KIF26A: variants seen among roughly 807,000 people sequenced by gnomAD.
KIF26A encodes kinesin family member 26A.
Under a neutral mutation model 126.0 loss-of-function variants are expected in KIF26A, and 74 were observed. The observed-to-expected ratio is 0.59, with a 90% confidence interval of 0.49 to 0.71. The LOEUF is 0.71. Ranked by LOEUF, KIF26A falls within the 30% of genes least tolerant of loss-of-function variation. The pLI, the probability that KIF26A is intolerant of heterozygous loss-of-function variation, is 0.00. For synonymous variants in KIF26A, 1,445 were observed against 1,232.7 expected (o/e 1.17, Z -3.61); for missense variants, 2,984 against 2,763.3 (o/e 1.08, Z -1.79).
chr14:104,146,996 C>A (rs144308617), intron 2 of KIF26A, among the ~76,000 whole-genome samples: 4 of 152,196 alleles, frequency 2.6e-5, no homozygotes, highest in Non-Finnish European at 4.4e-5. Flanking sequence ...CGGGTTTCTG[C>A]CCAGGGATGC....
Position 104,138,775 on chromosome 14 carries a change from C to T in KIF26A, c.42+11C>T, listed in dbSNP as rs2141084849. 1 of 1,258,116 alleles carries T rather than the reference C, an allele frequency of 7.9e-7. No individual in the cohort carries two copies. The highest frequency in any genetic ancestry group is 3.2e-5 in the South Asian group (1 of 31,250). 77.9% of individuals were successfully genotyped at this position (1,258,116 alleles called of 1,614,324 possible). ...GCTGCGCAGCCCGCGGTACGCGCGG[C>T]CCGGCCTGGAGAGGGAGGCGGGCGG... On this transcript the variant is annotated intron_variant, in intron 1 of 14. Transcript: ENST00000423312.
chr14:104,151,098 C>T lies in KIF26A; in HGVS notation c.289-917C>T, dbSNP rs535825212. ...GGGTGGGCCCCAGAGAGGAGTAAGCCTCTTGGTCGATTCCCTCCCAGTGAG... is the reference window on the plus strand; with the variant it reads ...GGGTGGGCCCCAGAGAGGAGTAAGCTTCTTGGTCGATTCCCTCCCAGTGAG... On this transcript the variant is annotated intron_variant, in intron 2 of 14. Coordinates refer to ENST00000423312, the MANE Select transcript of KIF26A (RefSeq NM_015656.2). The surrounding 1 kb of genome is among the most constrained non-coding windows in gnomAD (Gnocchi z 4.9). Among the ~76,000 whole-genome samples, 1 of 152,288 alleles carries T rather than the reference C, an allele frequency of 6.6e-6. No homozygotes were observed. Among genetic ancestry groups the T allele is most frequent in the East Asian group, 1.9e-4 (1 of 5,176 alleles).
chr14:104,177,977 G>C, intron 12 of KIF26A, 79 bp downstream of exon 12: 3 of 1,371,794 alleles, frequency 2.2e-6, no homozygotes, highest in Non-Finnish European at 2.8e-6. Context: ...ACAGTTTACA[G>C]GGCCAGGAGA....
rs562296637 is a variant in KIF26A at position 104,152,856 on chromosome 14, G to A, written c.735+395G>A. On this transcript the variant is annotated intron_variant, in intron 3 of 14. Coordinates refer to ENST00000423312, the MANE Select transcript of KIF26A (RefSeq NM_015656.2). The surrounding 1 kb of genome is among the most constrained non-coding windows in gnomAD (Gnocchi z 5.9). The stretch of plus-strand genomic sequence containing the variant: ...AGAGCGAGGGCCTGTGTGGAGGCCT[G>A]GGGGTGTGAGGCGTCCATGGACGTC... 4.6e-5 allele frequency among the ~76,000 whole-genome samples: 7 copies of A among 152,268 alleles called. No homozygotes were observed. The highest frequency in any genetic ancestry group is 1.9e-4 in the East Asian group (1 of 5,176).
intron 3 of KIF26A, among the ~76,000 whole-genome samples, chr14:104,156,143 C>T (rs549270940): frequency 1.7e-4 from 26 of 152,334 alleles, no homozygotes; most frequent in Admixed American, 9.8e-4. Flanking sequence ...CAACCAGACC[C>T]GGCTCTGCTC....
chr14:104,141,231 G>A (rs924060334), intron 2 of KIF26A, among the ~76,000 whole-genome samples: 4 of 152,212 alleles, frequency 2.6e-5, no homozygotes, highest in East Asian at 1.9e-4. Context: ...TGTGCTCCCC[G>A]GAGTCTGGTG....
intron 12 of KIF26A, among the ~76,000 whole-genome samples, chr14:104,178,215 GA>G (rs1566867253): frequency 3.3e-5 from 5 of 152,204 alleles, no homozygotes; most frequent in Admixed American, 6.5e-5. Context: ...TGGGGCACTG[GA>G]CTCGGGTTTG....
chr14:104,146,134 G>C (rs2037678367), intron 2 of KIF26A, among the ~76,000 whole-genome samples: 1 of 152,182 alleles, frequency 6.6e-6, no homozygotes, highest in Admixed American at 6.5e-5. Flanking sequence ...GTCTCTCTGA[G>C]CCTCAGTCTA....
chr14:104,151,977 C>T lies in KIF26A; in HGVS notation c.289-38C>T. ...GCTCTGGGTGCCGGCCCTCCCTCCC[C>T]AGGCACTGACCCTGCCTTTGTCCCT... is the stretch of plus-strand genomic sequence containing the variant. On this transcript the variant is annotated intron_variant, in intron 2 of 14. Transcript: ENST00000423312. This position sits in a 1 kb window ranked among gnomAD's most constrained non-coding sequence, Gnocchi z 4.9. 1 of 1,591,450 alleles carries T rather than the reference C, an allele frequency of 6.3e-7. No individual in the cohort carries two copies. The highest frequency in any genetic ancestry group is 8.6e-7 in the Non-Finnish European group (1 of 1,160,746).
Position 104,157,757 on chromosome 14 carries a change from C to G in KIF26A, c.738C>G (p.Ala246=). 1 of 1,610,572 alleles carries G rather than the reference C, an allele frequency of 6.2e-7. No homozygotes were observed. Among genetic ancestry groups the G allele is most frequent in the Non-Finnish European group, 8.5e-7 (1 of 1,179,016 alleles). ...ACGCACTCTCTCCTTCCCTCCAGGC[C>G]GAGGCAGCGGTGGCGGCCGTGGCGG... The part of the protein sequence containing the change: ...VNSFLPPACL[A]EAAVAAVAVA... The change falls in exon 4 of 15, where the codon GCC becomes GCG. Residue 246 remains alanine, a splice_region_variant and synonymous_variant. Coordinates refer to ENST00000423312, the MANE Select transcript of KIF26A (RefSeq NM_015656.2).
chr14:104,178,763 C>G lies in KIF26A; in HGVS notation c.5316+8C>G. The G allele has an allele frequency of 2.0e-6, 3 of 1,466,540 alleles. No homozygotes were observed. The highest frequency in any genetic ancestry group is 2.8e-6 in the Non-Finnish European group (3 of 1,083,388). The allele number at this position is 1,466,540 out of a possible 1,614,324, so 90.8% of individuals were successfully genotyped here. On this transcript the variant is annotated splice_region_variant and intron_variant, in intron 13 of 14. Transcript: ENST00000423312. ...AGGGAGGCCCCCACCCAGGTAGGGC[C>G]TTTGGTGGGCTGGGGTCTATGACCC...
chr14:104,174,146 A>G lies in KIF26A; in HGVS notation c.2031-2A>G. 1.3e-6 allele frequency: 2 copies of G among 1,561,746 alleles called. No homozygotes were observed. Among genetic ancestry groups the G allele is most frequent in the Non-Finnish European group, 8.7e-7 (1 of 1,150,914 alleles). ...TGGCATCTGAACCGCCTCGACCCGC[A>G]GGGACCACAGGCTCACCATGCTGCT... On this transcript the variant is annotated splice_acceptor_variant, in intron 10 of 14. Transcript: ENST00000423312. LOFTEE classifies it high-confidence loss of function.
chr14:104,164,252 G>T (rs959483154), intron 4 of KIF26A, among the ~76,000 whole-genome samples: 9 of 151,574 alleles, frequency 5.9e-5, no homozygotes, highest in African/African-American at 1.9e-4. Flanking sequence ...CGAGGGCTGT[G>T]GGGGGGGCGT....
In KIF26A at chr14:104,175,569, C is replaced by T; in HGVS notation, c.2781C>T (p.Ser927=). 1.2e-6 allele frequency: 2 copies of T among 1,606,808 alleles called. No individual in the cohort carries two copies. Among genetic ancestry groups the T allele is most frequent in the Non-Finnish European group, 1.7e-6 (2 of 1,179,372 alleles). The change falls in exon 12 of 15, where the codon AGC becomes AGT. Residue 927 remains serine, a synonymous_variant. Coordinates refer to ENST00000423312, the MANE Select transcript of KIF26A (RefSeq NM_015656.2). ...AIVWGDQRED[S]SAWPELLVPE... is the part of the protein sequence containing the mutation. ...TCTGGGGTGACCAGAGAGAGGACAG[C>T]AGCGCTTGGCCTGAGCTGCTGGTCC... is the stretch of plus-strand genomic sequence containing the variant.
intron 4 of KIF26A, 129 bp from the exon 5 acceptor site, chr14:104,166,730 T>G: frequency 1.1e-6 from 1 of 901,366 alleles, no homozygotes; most frequent in Non-Finnish European, 1.6e-6. Context: ...CCAGCCACAT[T>G]TTGGACTGGG....
rs1225631238 is a variant in KIF26A, at chr14:104,177,818, C to T, written c.5030C>T (p.Pro1677Leu). The T allele has an allele frequency of 1.9e-6, 3 of 1,571,040 alleles. No individual in the cohort carries two copies. The highest frequency in any genetic ancestry group is 2.6e-6 in the Non-Finnish European group (3 of 1,166,904). The change falls in exon 12 of 15, where the codon CCT becomes CTT. Residue 1677 changes from proline (P) to leucine (L), a missense_variant. By Grantham distance (98) the Pro-to-Leu change is moderately conservative. Coordinates refer to ENST00000423312, the MANE Select transcript of KIF26A (RefSeq NM_015656.2). ...SEATGSASSA[P>L]DSMSESGAAS... ...GCCACCGGCAGCGCCTCCTCCGCCC[C>T]TGACTCCATGAGCGAGAGTGGGGCT...
intron 10 of KIF26A, 62 bp downstream of exon 10, chr14:104,173,930 T>A: frequency 6.6e-7 from 1 of 1,509,956 alleles, no homozygotes; most frequent in Non-Finnish European, 8.9e-7. Flanking sequence ...GGTAAATCCG[T>A]GTCTGGTGTG....
At chr14:104,140,356 G>A (rs893736185) in intron 2 of KIF26A, among the ~76,000 whole-genome samples, 7 of 152,320 alleles carry the variant, frequency 4.6e-5, no homozygotes, top group African/African-American at 1.4e-4. Context: ...TGGACAGGCT[G>A]CAGCCTTGGC....
At chr14:104,168,980 C>T (rs532464281) in intron 5 of KIF26A, among the ~76,000 whole-genome samples, 3 of 152,334 alleles carry the variant, frequency 2.0e-5, no homozygotes, top group South Asian at 4.1e-4. Context: ...GATCTCTGTG[C>T]GTGTGCCCGG....
Sources: gnomAD v4.1 joint callset for allele counts (sites outside exome capture counted in the v4.1 genomes callset) on GRCh38, gnomAD v4.1.1 for gene constraint, Gnocchi (gnomAD v3.1) non-coding constraint, MANE v1.5 for transcripts, NCBI Gene and HGNC (gene_info 2026-07-23, HGNC 2026-07-21) for gene names.